The following TMEM231 variants were observed in gnomAD, a reference collection of about 807,000 sequenced individuals.
TMEM231 encodes transmembrane protein 231.
Under a neutral mutation model 38.5 loss-of-function variants are expected in TMEM231, and 40 were observed. The ratio of observed to expected loss-of-function variants is 1.04; its 90% CI spans 0.81 to 1.35. The LOEUF (loss-of-function observed/expected upper bound fraction) is 1.35, where lower values mean the gene tolerates loss of function less well. TMEM231 is among the 40% of genes most tolerant of loss of function. The pLI is 0.00. For missense variants in TMEM231, 420 were observed against 416.9 expected (o/e 1.01, Z -0.07); for synonymous variants, 199 against 181.7 (o/e 1.10, Z -0.77).
rs552220838 is a variant in TMEM231, at chr16:75,551,195, T to C, written c.309+4609A>G. Among the ~76,000 whole-genome samples, 95 of 152,288 alleles carry C rather than the reference T, an allele frequency of 6.2e-4. No individual in the cohort carries two copies. The South Asian group carries it at 8.3e-3, about 13-fold the overall frequency. The stretch of plus-strand genomic sequence containing the variant: ...GTTCCTTTCCACCTTTCTACCTGTA[T>C]TTCTTTTTTTTTCTATTTCTTTTTT... On this transcript the variant is annotated intron_variant, in intron 2 of 6. Transcript: ENST00000258173.
chr16:75,554,363 G>A (rs995403822), intron 2 of TMEM231, among the ~76,000 whole-genome samples: 5 of 151,880 alleles, frequency 3.3e-5, no homozygotes, highest in Admixed American at 6.6e-5. Flanking sequence ...TCAGGAGTTC[G>A]AGACCAGCCT....
intron 2 of TMEM231, among the ~76,000 whole-genome samples, chr16:75,550,717 CTTTTT>C (rs35806847): frequency 7.2e-6 from 1 of 138,824 alleles, no homozygotes. Context: ...AAGTCGTATT[CTTTTT>C]TTTTTTTTTT....
At chr16:75,545,994 T>A (rs543109620) in intron 2 of TMEM231, 40 bp from the exon 3 acceptor site, 2 of 1,558,324 alleles carry the variant, frequency 1.3e-6, no homozygotes, top group East Asian at 4.8e-5. Flanking sequence ...TGGTCACTAA[T>A]GAGTCTGGGA....
At position 75,555,912 on chromosome 16, in the gene TMEM231, C is replaced by T. The variant is rs746011398; in HGVS notation, c.201G>A (p.Val67=). The change falls in exon 2 of 7, where the codon GTG becomes GTA. Residue 67 remains valine (V), a synonymous_variant. Transcript: ENST00000258173. The part of the protein sequence containing the change: ...EQPTVRFQHQ[V]LLVALLGPES... ...CGGGTCCGAGCAGGGCCACGAGCAG[C>T]ACCTGGTGTTGGAAGCGCACGGTCG... 9 of 1,602,888 alleles carry T rather than the reference C, an allele frequency of 5.6e-6. No individual in the cohort carries two copies. The South Asian group carries it at 6.8e-5, about 12-fold the overall frequency.
At chr16:75,549,486 A>G (rs944078003) in intron 2 of TMEM231, among the ~76,000 whole-genome samples, 2 of 152,172 alleles carry the variant, frequency 1.3e-5, no homozygotes, top group African/African-American at 4.8e-5. Context: ...CATGCCCTGT[A>G]TATGGATAGA....
At chr16:75,548,970 C>T (rs1267107451) in intron 2 of TMEM231, among the ~76,000 whole-genome samples, 1 of 152,164 alleles carries the variant, frequency 6.6e-6, no homozygotes, top group Non-Finnish European at 1.5e-5. Context: ...TGATGGGGTG[C>T]AGGAACATCT....
Position 75,538,559 on chromosome 16 carries a change from G to T in TMEM231, c.*1435C>A, listed in dbSNP as rs1285597918. 6.6e-6 allele frequency: 1 copy of T among 152,082 alleles called. No individual in the cohort carries two copies. The highest frequency in any genetic ancestry group is 1.5e-5 in the Non-Finnish European group (1 of 68,024). The allele number at this position is 152,082 out of a possible 1,614,324, so 9.4% of individuals were successfully genotyped here. ...TCAGTGTTAGGGAATTCCTCTGCTT[G>T]AATACTTCAAAATAGCTTTGTTTCC... On this transcript the variant is annotated 3_prime_UTR_variant, in exon 7 of 7. Transcript: ENST00000258173.
In TMEM231 at chr16:75,555,822, C is replaced by A; in HGVS notation, c.291G>T (p.Leu97=). 1 of 1,554,246 alleles carries A rather than the reference C, an allele frequency of 6.4e-7. No homozygotes were observed. Among genetic ancestry groups the A allele is most frequent in the Non-Finnish European group, 8.7e-7 (1 of 1,149,124 alleles). ...PAFNRLQGDR[L]RVPLVSTREE... is the part of the protein sequence containing the mutation. ...CACGCACCGAAACGAGCGGGACGCGCAGGCGATCCCCTTGCAGCCGGTTGA... is the reference window on the plus strand; with the variant it reads ...CACGCACCGAAACGAGCGGGACGCGAAGGCGATCCCCTTGCAGCCGGTTGA... Residue 97 remains leucine (L), a synonymous_variant, in exon 2 of 7, where the codon CTG becomes CTT. Transcript: ENST00000258173.
chr16:75,551,464 A>AT (rs557922492), intron 2 of TMEM231, among the ~76,000 whole-genome samples: 25 of 152,334 alleles, frequency 1.6e-4, no homozygotes, highest in African/African-American at 6.0e-4. Context: ...GATTATAGGC[A>AT]TGAGCCACAG....
chr16:75,555,749 C>G, intron 2 of TMEM231, 55 bp downstream of exon 2: 1 of 1,444,180 alleles, frequency 6.9e-7, no homozygotes, highest in Non-Finnish European at 9.1e-7. Flanking sequence ...TCATTCCAGT[C>G]CCCATCCCCA....
At chr16:75,544,311 G>A (rs2080658141) in intron 4 of TMEM231, among the ~76,000 whole-genome samples, 1 of 152,220 alleles carries the variant, frequency 6.6e-6, no homozygotes, top group South Asian at 2.1e-4. Context: ...GGCTGCTACT[G>A]TAGAAGCAGG....
intron 4 of TMEM231, among the ~76,000 whole-genome samples, chr16:75,544,946 T>TTA: frequency 8.7e-6 from 1 of 114,586 alleles, no homozygotes; most frequent in Admixed American, 1.1e-4. Context: ...TTCTTTTCTT[T>TTA]TTCTTTTTTT....
intron 2 of TMEM231, among the ~76,000 whole-genome samples, chr16:75,549,608 T>C (rs1159433521): frequency 2.6e-5 from 4 of 152,220 alleles, no homozygotes. Flanking sequence ...TAATAGCTCA[T>C]AAGAACTCTA....
chr16:75,551,948 T>A (rs1247520236), intron 2 of TMEM231, among the ~76,000 whole-genome samples: 2 of 145,226 alleles, frequency 1.4e-5, no homozygotes, highest in Non-Finnish European at 3.0e-5. Context: ...GGCAACAGAG[T>A]GAGACTTCAT....
At chr16:75,541,664 A>T in intron 5 of TMEM231, 1 of 364,494 alleles carries the variant, frequency 2.7e-6, no homozygotes, top group East Asian at 4.4e-5. Flanking sequence ...TACATAAAAA[A>T]CTTGGAAAGA....
intron 2 of TMEM231, among the ~76,000 whole-genome samples, chr16:75,550,644 C>CA (rs1423060771): frequency 6.6e-6 from 1 of 152,026 alleles, no homozygotes; most frequent in African/African-American, 2.4e-5. Context: ...GAATTCCCAG[C>CA]ATCTGACGGT....
At chr16:75,545,243 A>T in intron 4 of TMEM231, 109 bp downstream of exon 4, 1 of 1,451,890 alleles carries the variant, frequency 6.9e-7, no homozygotes, top group Non-Finnish European at 9.3e-7. Context: ...TACAGGTATG[A>T]GCCACTGCGC....
At chr16:75,548,839 A>G (rs1478495489) in intron 2 of TMEM231, among the ~76,000 whole-genome samples, 1 of 152,264 alleles carries the variant, frequency 6.6e-6, no homozygotes, top group Admixed American at 6.5e-5. Context: ...TCTGCACTCC[A>G]GCCTGGTGAC....
At chr16:75,551,203 T>C (rs1184968262) in intron 2 of TMEM231, among the ~76,000 whole-genome samples, 1 of 152,220 alleles carries the variant, frequency 6.6e-6, no homozygotes, top group Admixed American at 6.5e-5. Context: ...TATTTCTTTT[T>C]TTTTCTATTT....
Sources: gnomAD v4.1 joint callset for allele counts (sites outside exome capture counted in the v4.1 genomes callset) on GRCh38, gnomAD v4.1.1 for gene constraint, MANE v1.5 for transcripts, NCBI Gene and HGNC (gene_info 2026-07-23, HGNC 2026-07-21) for gene names.